TLE4: variants seen among roughly 807,000 people sequenced by gnomAD.
TLE4 encodes the protein TLE family member 4, transcriptional corepressor, also known as transducin-like enhancer protein 4.
TLE4 carries 8 observed loss-of-function variants against 92.8 expected under a neutral mutation model. The observed-to-expected ratio is 0.09, with a 90% CI of 0.05 to 0.16. The LOEUF (loss-of-function observed/expected upper bound fraction) is 0.16. Ranked by LOEUF, TLE4 falls within the 10% of genes least tolerant of loss-of-function variation. The pLI is 1.00. For synonymous variants in TLE4, 371 were observed against 374.1 expected, an observed-to-expected ratio of 0.99 and a Z score of 0.10; for missense variants, 675 against 997.6, an observed-to-expected ratio of 0.68 and a Z score of 4.36.
intron 4 of TLE4, among the ~76,000 whole-genome samples, chr9:79,604,644 G>A (rs761800860): frequency 5.3e-5 from 8 of 152,126 alleles, no homozygotes; most frequent in Non-Finnish European, 8.8e-5. Flanking sequence ...AACAGACAAG[G>A]AAGCTTTAGC....
At chr9:79,701,962 A>G (rs1000018449) in intron 8 of TLE4, among the ~76,000 whole-genome samples, 1 of 152,252 alleles carries the variant, frequency 6.6e-6, no homozygotes, top group African/African-American at 2.4e-5. Flanking sequence ...TTAAGGGAAC[A>G]AAGAGGAATG....
chr9:79,646,765 T>C (rs1228020791), intron 6 of TLE4, among the ~76,000 whole-genome samples: 1 of 152,184 alleles, frequency 6.6e-6, no homozygotes, highest in Admixed American at 6.5e-5. Flanking sequence ...CTCTGTCATA[T>C]GCCTTTTGGT....
intron 5 of TLE4, among the ~76,000 whole-genome samples, 164 bp downstream of exon 5, chr9:79,612,882 T>G (rs1458445824): frequency 6.6e-6 from 1 of 152,188 alleles, no homozygotes. Flanking sequence ...TATACCTTAG[T>G]AACTTTCTGT....
chr9:79,722,932 G>A, intron 18 of TLE4, 27 bp from the exon 19 acceptor site: 2 of 1,608,178 alleles, frequency 1.2e-6, no homozygotes, highest in Non-Finnish European at 1.7e-6. Flanking sequence ...CACAAACATT[G>A]CCTTTTTCAA....
intron 6 of TLE4, among the ~76,000 whole-genome samples, chr9:79,635,756 C>G (rs1310995492): frequency 1.3e-5 from 2 of 152,098 alleles, no homozygotes; most frequent in Non-Finnish European, 2.9e-5. Flanking sequence ...TAGTGCTATA[C>G]TGTGTTGATG....
chr9:79,573,530 G>A, intron 1 of TLE4, 159 bp from the exon 2 acceptor site: 1 of 825,616 alleles, frequency 1.2e-6, no homozygotes. Context: ...TGCCTGGGCT[G>A]TTGGGCGCGA....
intron 10 of TLE4, among the ~76,000 whole-genome samples, chr9:79,706,285 C>T (rs937494944): frequency 4.6e-5 from 7 of 152,086 alleles, no homozygotes; most frequent in Non-Finnish European, 1.0e-4. Flanking sequence ...GCTAGGATTA[C>T]AGGTGTGAGC....
chr9:79,693,809 A>G (rs977988804), intron 8 of TLE4: 3 of 316,686 alleles, frequency 9.5e-6, no homozygotes, highest in East Asian at 1.2e-4. Context: ...ATTCTTTTTA[A>G]TAAAATAGTG....
Position 79,649,271 on chromosome 9 carries a change from T to TACAC in TLE4, c.391-3294_391-3291dup, listed in dbSNP as rs61394180. 6.2e-3 allele frequency among the ~76,000 whole-genome samples: 917 copies of TACAC among 147,346 alleles called. 4 individuals carry two copies. Among genetic ancestry groups the TACAC allele is most frequent in the African/African-American group, 0.02 (816 of 39,824 alleles). On this transcript the variant is annotated intron_variant, in intron 6 of 19. Coordinates refer to ENST00000376552, the MANE Select transcript of TLE4 (RefSeq NM_007005.6). ...GAAGACAGGGACGGACATACATACATACACACACACACACACACACACACA... is the reference window on the plus strand; with the variant it reads ...GAAGACAGGGACGGACATACATACATACACACACACACACACACACACACACACA...
intron 9 of TLE4, 122 bp from the exon 10 acceptor site, chr9:79,705,767 A>G (rs2071368404): frequency 1.0e-6 from 1 of 979,610 alleles, no homozygotes; most frequent in South Asian, 1.3e-5. Flanking sequence ...ATTGTCAAGT[A>G]TTTAACACTG....
intron 6 of TLE4, among the ~76,000 whole-genome samples, chr9:79,632,072 A>G (rs1288727787): frequency 6.6e-6 from 1 of 152,184 alleles, no homozygotes; most frequent in African/African-American, 2.4e-5. Context: ...TGTGTCCCAC[A>G]GCCTGACAGC....
intron 4 of TLE4, among the ~76,000 whole-genome samples, chr9:79,580,699 T>A (rs1223096270): frequency 6.6e-6 from 1 of 151,976 alleles, no homozygotes; most frequent in Non-Finnish European, 1.5e-5. Flanking sequence ...GTGTCTGTTA[T>A]ATTCTTACCC....
chr9:79,622,214 C>A (rs1489563436), intron 5 of TLE4, among the ~76,000 whole-genome samples: 1 of 152,016 alleles, frequency 6.6e-6, no homozygotes, highest in African/African-American at 2.4e-5. Flanking sequence ...ATCCATTTTC[C>A]TTTATTTTTC....
intron 6 of TLE4, among the ~76,000 whole-genome samples, chr9:79,631,624 G>A (rs2054246745): frequency 7.0e-6 from 1 of 142,828 alleles, no homozygotes; most frequent in African/African-American, 2.9e-5. Context: ...AAATGTGTGT[G>A]TGTGTGTGTG....
At chr9:79,582,553 G>T (rs1474820673) in intron 4 of TLE4, among the ~76,000 whole-genome samples, 1 of 148,730 alleles carries the variant, frequency 6.7e-6, no homozygotes, top group Non-Finnish European at 1.5e-5. Flanking sequence ...TTTTTCTTGT[G>T]TTATAAGATA....
At chr9:79,609,454 G>T (rs1306950495) in intron 4 of TLE4, among the ~76,000 whole-genome samples, 1 of 152,014 alleles carries the variant, frequency 6.6e-6, no homozygotes, top group African/African-American at 2.4e-5. Context: ...TGTAAAGGTG[G>T]GTAATTTTGA....
At chr9:79,588,948 A>G (rs753169869) in intron 4 of TLE4, among the ~76,000 whole-genome samples, 2 of 152,220 alleles carry the variant, frequency 1.3e-5, no homozygotes, top group Non-Finnish European at 2.9e-5. Context: ...AGTGGTTGCA[A>G]ACTGGAGCAG....
intron 13 of TLE4, among the ~76,000 whole-genome samples, chr9:79,709,406 T>C (rs2072640804): frequency 6.6e-6 from 1 of 152,188 alleles, no homozygotes; most frequent in Non-Finnish European, 1.5e-5. Context: ...CAATAATCAT[T>C]AGTATAATTT....
intron 8 of TLE4, among the ~76,000 whole-genome samples, chr9:79,681,541 G>A (rs1171549557): frequency 2.0e-5 from 3 of 152,056 alleles, no homozygotes; most frequent in African/African-American, 7.2e-5. Flanking sequence ...ATGTTACTGG[G>A]TGTTAGGACA....
Sources: allele counts gnomAD v4.1 joint callset (sites outside exome capture counted in the v4.1 genomes callset), GRCh38; gene constraint gnomAD v4.1.1; transcripts MANE v1.5; gene names NCBI Gene and HGNC (gene_info 2026-07-23, HGNC 2026-07-21).